The following ADCY10 variants were observed in gnomAD, a reference collection of about 807,000 sequenced individuals.
ADCY10 encodes the protein adenylate cyclase type 10.
Under a neutral mutation model 183.3 loss-of-function variants are expected in ADCY10, and 156 were observed. The ratio of observed to expected loss-of-function variants is 0.85; its 90% CI spans 0.75 to 0.97. The LOEUF is 0.97. ADCY10 is among the 50% of genes least tolerant of loss of function. ADCY10 has a pLI of 0.00. For missense variants in ADCY10, 1,745 were observed against 1,934.3 expected (o/e 0.90, Z 1.84); for synonymous variants, 645 against 670.0 (o/e 0.96, Z 0.58).
chr1:167,892,370 C>A (rs1416853236), intron 8 of ADCY10, among the ~76,000 whole-genome samples: 1 of 152,162 alleles, frequency 6.6e-6, no homozygotes, highest in Non-Finnish European at 1.5e-5. Context: ...TTAAGGACTT[C>A]TCTTCTTTGG....
chr1:167,901,627 G>C, intron 5 of ADCY10, 35 bp downstream of exon 5: 1 of 1,607,534 alleles, frequency 6.2e-7, no homozygotes, highest in Non-Finnish European at 8.5e-7. Context: ...CCCTATCCCA[G>C]CTGCCGTAGG....
rs773781146 is a variant in ADCY10 at position 167,818,203 on chromosome 1, G to A, written c.4351C>T (p.Pro1451Ser). The A allele has an allele frequency of 3.1e-6, 5 of 1,614,000 alleles. No homozygotes were observed. Among genetic ancestry groups the A allele is most frequent in the Admixed American group, 1.7e-5 (1 of 60,000 alleles). ...KFSNRAKNLLPRRTMTLTYYD... is the reference protein window; with the variant it reads ...KFSNRAKNLLSRRTMTLTYYD... ...TAAGTAAGTGTCATGGTTCTTCTTG[G>A]CAAAAGATTTTTAGCTCTATTGGAA... The change falls in exon 31 of 33, where the codon CCA (proline) becomes TCA (serine). Residue 1451 changes from proline to serine, a missense_variant. Pro to Ser is a moderately conservative substitution (Grantham distance 74). Transcript: ENST00000367851.
At chr1:167,866,883 G>A (rs745449927) in intron 14 of ADCY10, among the ~76,000 whole-genome samples, 3 of 152,086 alleles carry the variant, frequency 2.0e-5, no homozygotes, top group Non-Finnish European at 4.4e-5. Flanking sequence ...TCCAAAGGCT[G>A]GCCCCCATAT....
At position 167,834,478 on chromosome 1, in the gene ADCY10, T is replaced by C. The variant is rs78666307; in HGVS notation, c.3310-401A>G. 4.7e-3 allele frequency: 1,260 copies of C among 267,642 alleles called. 16 individuals are homozygous for C. Among genetic ancestry groups the C allele is most frequent in the African/African-American group, 0.026 (1,209 of 45,702 alleles). The allele number at this position is 267,642 out of a possible 1,614,324, so 16.6% of individuals were successfully genotyped here. A position where few individuals can be genotyped will look rare whatever the true frequency, so the allele number is the denominator to read the frequency against. On this transcript the variant is annotated intron_variant, in intron 23 of 32. Coordinates refer to ENST00000367851, the MANE Select transcript of ADCY10 (RefSeq NM_018417.6). Reference sequence around the variant, plus strand: ...CAGCATCCCCACATCTGTGAGAAGTTGGTCTTCAGTTTTTAAATGAATTAT... The same window carrying C: ...CAGCATCCCCACATCTGTGAGAAGTCGGTCTTCAGTTTTTAAATGAATTAT...
intron 9 of ADCY10, among the ~76,000 whole-genome samples, chr1:167,881,484 G>A (rs186341652): frequency 6.6e-6 from 1 of 152,264 alleles, no homozygotes; most frequent in Non-Finnish European, 1.5e-5. Flanking sequence ...GACATGAAGG[G>A]GGAAACACTG....
chr1:167,849,599 C>T (rs111673715), intron 18 of ADCY10, among the ~76,000 whole-genome samples: 4 of 152,176 alleles, frequency 2.6e-5, no homozygotes, highest in Non-Finnish European at 5.9e-5. Context: ...TGAAGGCTAT[C>T]AATGTGAATA....
intron 6 of ADCY10, among the ~76,000 whole-genome samples, chr1:167,898,232 C>T (rs1435087053): frequency 6.6e-6 from 1 of 151,724 alleles, no homozygotes. Context: ...TATGGAAACT[C>T]TGTATTATTT....
intron 17 of ADCY10, 73 bp from the exon 18 acceptor site, chr1:167,854,562 T>C (rs900507612): frequency 6.5e-7 from 1 of 1,531,968 alleles, no homozygotes; most frequent in East Asian, 2.2e-5. Flanking sequence ...GTAAGTCTTC[T>C]CAATCACTTG....
At chr1:167,902,544 C>T (rs569243770) in intron 3 of ADCY10, among the ~76,000 whole-genome samples, 1 of 152,312 alleles carries the variant, frequency 6.6e-6, no homozygotes, top group Admixed American at 6.5e-5. Context: ...GACGGTATGG[C>T]ATAAATGGCC....
intron 14 of ADCY10, among the ~76,000 whole-genome samples, chr1:167,864,678 C>T (rs1035878018): frequency 6.6e-6 from 1 of 151,552 alleles, no homozygotes; most frequent in Admixed American, 6.6e-5. Flanking sequence ...AATAGTGTAC[C>T]CTATTCCCTT....
At chr1:167,813,034 G>T (rs1662315857) in intron 31 of ADCY10, among the ~76,000 whole-genome samples, 1 of 152,066 alleles carries the variant, frequency 6.6e-6, no homozygotes, top group Non-Finnish European at 1.5e-5. Context: ...ACCAATAAAT[G>T]CATTGTGGAA....
intron 12 of ADCY10, among the ~76,000 whole-genome samples, chr1:167,877,353 T>C (rs545240295): frequency 6.6e-6 from 1 of 151,784 alleles, no homozygotes; most frequent in East Asian, 1.9e-4. Flanking sequence ...TGCACTTTAT[T>C]GATGGCCTAT....
chr1:167,822,329 T>C (rs866336156), intron 29 of ADCY10, among the ~76,000 whole-genome samples, 188 bp from the exon 30 acceptor site: 2 of 152,128 alleles, frequency 1.3e-5, no homozygotes, highest in African/African-American at 2.4e-5. Context: ...GTCCTACCTA[T>C]TGGGGAGTGT....
intron 13 of ADCY10, among the ~76,000 whole-genome samples, chr1:167,872,367 T>TA (rs35237139): frequency 0.19 from 26,808 of 141,960 alleles, 2,847 homozygotes; most frequent in East Asian, 0.4. Flanking sequence ...TAAGGAAGCT[T>TA]AAAAAAAAAA....
In ADCY10 at chr1:167,883,060, C is replaced by T. The variant is rs556373501; in HGVS notation, c.1020+377G>A. Among the ~76,000 whole-genome samples, 9 of 152,292 alleles carry T rather than the reference C, an allele frequency of 5.9e-5. No homozygotes were observed. The South Asian group carries it at 6.2e-4, about 11-fold the overall frequency. The stretch of plus-strand genomic sequence containing the variant: ...AATTTCTTTTTTTGTTTAGTTGAGA[C>T]GGAGTCTCACGCTATAGCCCAGGCT... On this transcript the variant is annotated intron_variant, in intron 9 of 32. Transcript: ENST00000367851.
chr1:167,882,436 G>A lies in ADCY10; in HGVS notation c.1020+1001C>T, dbSNP rs139273612. Among the ~76,000 whole-genome samples the A allele has an allele frequency of 5.1e-3, 697 of 135,544 alleles. 10 individuals are homozygous for A. The highest frequency in any genetic ancestry group is 0.019 in the African/African-American group (673 of 36,146). The allele number at this position is 135,544 out of a possible 152,430, so 88.9% of individuals were successfully genotyped here. A position where few individuals can be genotyped will look rare whatever the true frequency, so the allele number is the denominator to read the frequency against. ...GGAGGCGGAGGTTTCAGTGAGCCGA[G>A]ATCATGCCACTGCATTCCAGCCTGG... On this transcript the variant is annotated intron_variant, in intron 9 of 32. Coordinates refer to ENST00000367851, the MANE Select transcript of ADCY10 (RefSeq NM_018417.6).
At chr1:167,848,074 CT>C (rs549493233) in intron 19 of ADCY10, among the ~76,000 whole-genome samples, 56 of 146,340 alleles carry the variant, frequency 3.8e-4, no homozygotes, top group Admixed American at 7.5e-4. Flanking sequence ...ATTTTCTTTT[CT>C]TTTTTTTTTT....
At position 167,901,679 on chromosome 1, in the gene ADCY10, T is replaced by C. The variant is rs769966257; in HGVS notation, c.419A>G (p.Asp140Gly). The C allele has an allele frequency of 6.2e-7, 1 of 1,614,176 alleles. No homozygotes were observed. The part of the protein sequence containing the change: ...FETQEWEEGL[D>G]IRVKIGLAAG... Reference sequence around the variant, plus strand: ...ATGCTTACCTATCTTGACTCGGATGTCTAGGCCTTCTTCCCACTCCTGGGT... The same window carrying C: ...ATGCTTACCTATCTTGACTCGGATGCCTAGGCCTTCTTCCCACTCCTGGGT... Residue 140 changes from aspartate to glycine, a missense_variant, in exon 5 of 33, where the codon GAC becomes GGC. Transcript: ENST00000367851.
In ADCY10 at chr1:167,905,086, G is replaced by A; in HGVS notation, c.55C>T (p.His19Tyr). ...CCATAGACAATGAGGTCTGGTAAATGAGCTGCTATTCTGACTATGGGCCAG... is the reference window on the plus strand; with the variant it reads ...CCATAGACAATGAGGTCTGGTAAATAAGCTGCTATTCTGACTATGGGCCAG... ...QDWPIVRIAA[H>Y]LPDLIVYGHF... Residue 19 changes from histidine to tyrosine, a missense_variant, in exon 2 of 33, where the codon CAT becomes TAT. His to Tyr is a moderately conservative substitution (Grantham distance 83). Coordinates refer to ENST00000367851, the MANE Select transcript of ADCY10 (RefSeq NM_018417.6). 1.9e-6 allele frequency: 3 copies of A among 1,614,196 alleles called. No homozygotes were observed. The highest frequency in any genetic ancestry group is 1.6e-4 in the Middle Eastern group (1 of 6,062).
Sources: gnomAD v4.1 joint callset for allele counts (sites outside exome capture counted in the v4.1 genomes callset) on GRCh38, gnomAD v4.1.1 for gene constraint, MANE v1.5 for transcripts, NCBI Gene and HGNC (gene_info 2026-07-23, HGNC 2026-07-21) for gene names.